The following ABCA13 variants were observed in gnomAD, a reference collection of about 807,000 sequenced individuals.
ABCA13 encodes ATP-binding cassette sub-family A member 13.
ABCA13 carries 476 observed loss-of-function variants against 478.7 expected under a neutral mutation model. That is an observed-to-expected ratio of 0.99 (90% CI 0.92 to 1.07). ABCA13 has a LOEUF of 1.07. ABCA13 is among the 50% of genes least tolerant of loss of function. ABCA13 has a pLI of 0.00. For missense variants in ABCA13, 6,060 were observed against 5,910.6 expected (o/e 1.03, Z -0.83); for synonymous variants, 2,252 against 2,158.9 (o/e 1.04, Z -1.20).
At chr7:48,586,860 AT>A (rs904494065) in intron 56 of ABCA13, among the ~76,000 whole-genome samples, 68 of 152,076 alleles carry the variant, frequency 4.5e-4, no homozygotes, top group African/African-American at 1.6e-3. Flanking sequence ...CAACATGCTT[AT>A]TTATCTGGAC....
intron 41 of ABCA13, among the ~76,000 whole-genome samples, chr7:48,418,386 G>C (rs1162254502): frequency 6.6e-6 from 1 of 152,154 alleles, no homozygotes; most frequent in Non-Finnish European, 1.5e-5. Context: ...ATTCTAATAG[G>C]TGTGTAGAGG....
At chr7:48,304,550 G>T (rs76477827) in intron 23 of ABCA13, among the ~76,000 whole-genome samples, 6,007 of 151,962 alleles carry the variant, frequency 0.04, 369 homozygotes, top group African/African-American at 0.14. Flanking sequence ...TTGTGGTTTT[G>T]ACTTGCATTT....
chr7:48,483,864 T>C (rs1829028992), intron 47 of ABCA13, among the ~76,000 whole-genome samples: 2 of 152,152 alleles, frequency 1.3e-5, no homozygotes, highest in Non-Finnish European at 2.9e-5. Flanking sequence ...TTGTGTTTGA[T>C]TGAGAGAGAA....
intron 42 of ABCA13, among the ~76,000 whole-genome samples, chr7:48,431,329 G>C (rs1822113408): frequency 7.0e-6 from 1 of 142,310 alleles, no homozygotes; most frequent in Non-Finnish European, 1.5e-5. Context: ...GCAACAGAGG[G>C]AGATTCTGTC....
intron 43 of ABCA13, among the ~76,000 whole-genome samples, chr7:48,456,996 G>C (rs1419405157): frequency 6.6e-6 from 1 of 151,898 alleles, no homozygotes; most frequent in East Asian, 1.9e-4. Flanking sequence ...GTCTTATAAA[G>C]TCATTGATTC....
intron 58 of ABCA13, among the ~76,000 whole-genome samples, chr7:48,601,977 T>C (rs1049200587): frequency 6.6e-6 from 1 of 152,256 alleles, no homozygotes; most frequent in Non-Finnish European, 1.5e-5. Flanking sequence ...TGACCAGTGA[T>C]GATGAGCTTT....
intron 44 of ABCA13, 142 bp from the exon 45 acceptor site, chr7:48,471,388 A>G (rs981003241): frequency 8.3e-6 from 6 of 723,638 alleles, no homozygotes; most frequent in African/African-American, 7.2e-5. Flanking sequence ...CTGTGAAAAC[A>G]AATGTAAGAG....
In ABCA13 at chr7:48,241,010, G is replaced by A. The variant is rs367754930; in HGVS notation, c.1206G>A (p.Leu402=). 5.6e-6 allele frequency: 9 copies of A among 1,613,914 alleles called. No homozygotes were observed. The highest frequency in any genetic ancestry group is 4.0e-5 in the African/African-American group (3 of 74,936). Reference sequence around the variant, plus strand: ...AAGCTCTGCACACTGCACTGCTCCTGCTGAATGACAGCTTGTCAGCAGATG... The same window carrying A: ...AAGCTCTGCACACTGCACTGCTCCTACTGAATGACAGCTTGTCAGCAGATG... ...VVEALHTALL[L]LNDSLSADGP... The change falls in exon 10 of 62, where the codon CTG becomes CTA. Residue 402 remains leucine (L), a synonymous_variant. Transcript: ENST00000435803.
intron 42 of ABCA13, among the ~76,000 whole-genome samples, chr7:48,429,289 T>G (rs78050577): frequency 6.6e-6 from 1 of 152,356 alleles, no homozygotes; most frequent in South Asian, 2.1e-4. Flanking sequence ...TTCTCTTACA[T>G]GTATACCTAG....
intron 35 of ABCA13, among the ~76,000 whole-genome samples, chr7:48,382,416 C>T (rs1814530936): frequency 6.6e-6 from 1 of 152,210 alleles, no homozygotes; most frequent in Admixed American, 6.5e-5. Flanking sequence ...TCACGCCCCT[C>T]TCTCTATTCC....
intron 21 of ABCA13, 130 bp from the exon 22 acceptor site, chr7:48,297,102 C>A: frequency 1.3e-6 from 1 of 771,442 alleles, no homozygotes; most frequent in Non-Finnish European, 2.1e-6. Flanking sequence ...CTAATTGTTG[C>A]AGGAACTTTA....
intron 52 of ABCA13, among the ~76,000 whole-genome samples, chr7:48,518,790 A>T (rs1832317500): frequency 1.3e-5 from 2 of 152,280 alleles, no homozygotes; most frequent in South Asian, 2.1e-4. Flanking sequence ...GGATTCTCAG[A>T]TCACTCTTTT....
intron 54 of ABCA13, among the ~76,000 whole-genome samples, chr7:48,527,222 G>A (rs1005346650): frequency 2.0e-5 from 3 of 152,078 alleles, no homozygotes; most frequent in African/African-American, 4.8e-5. Context: ...TGGGGGAGAC[G>A]GACTCATATT....
chr7:48,547,809 T>C (rs1339316038), intron 55 of ABCA13, among the ~76,000 whole-genome samples: 3 of 149,564 alleles, frequency 2.0e-5, no homozygotes, highest in East Asian at 3.9e-4. Flanking sequence ...TGTAGGCTAA[T>C]GTAAGTGTTC....
At chr7:48,241,524 A>G (rs1227402207) in intron 10 of ABCA13, among the ~76,000 whole-genome samples, 1 of 152,246 alleles carries the variant, frequency 6.6e-6, no homozygotes, top group Non-Finnish European at 1.5e-5. Flanking sequence ...GAAGTAGGAA[A>G]TGGTGGAACT....
At chr7:48,172,893 T>C (rs1462259828) in intron 1 of ABCA13, among the ~76,000 whole-genome samples, 2 of 150,508 alleles carry the variant, frequency 1.3e-5, no homozygotes, top group Non-Finnish European at 3.0e-5. Flanking sequence ...AGTGTGTTCG[T>C]GTCTGTGTAG....
At chr7:48,555,916 TTTC>T (rs1166421837) in intron 55 of ABCA13, among the ~76,000 whole-genome samples, 3 of 151,828 alleles carry the variant, frequency 2.0e-5, no homozygotes, top group East Asian at 3.9e-4. Flanking sequence ...ATTTGACATT[TTTC>T]TTCTTTTTTG....
At chr7:48,411,958 A>G (rs959989725) in intron 40 of ABCA13, among the ~76,000 whole-genome samples, 7 of 152,118 alleles carry the variant, frequency 4.6e-5, no homozygotes, top group Admixed American at 1.3e-4. Context: ...TTGGCTGAGA[A>G]TTCTTGTCTC....
At chr7:48,346,325 A>G (rs1808095170) in intron 29 of ABCA13, among the ~76,000 whole-genome samples, 1 of 152,184 alleles carries the variant, frequency 6.6e-6, no homozygotes, top group Admixed American at 6.5e-5. Context: ...AGTGAGACCA[A>G]GTCACTCTTC....
Sources: gnomAD v4.1 joint callset for allele counts (sites outside exome capture counted in the v4.1 genomes callset) on GRCh38, gnomAD v4.1.1 for gene constraint, MANE v1.5 for transcripts, NCBI Gene and HGNC (gene_info 2026-07-23, HGNC 2026-07-21) for gene names.